Variants in ST14 observed in about 807,000 individuals in gnomAD.
The protein encoded by ST14 is ST14 transmembrane serine protease matriptase.
In ST14, 40 loss-of-function variants were observed where a neutral mutation model predicts 96.5. The observed-to-expected ratio is 0.41, with a 90% CI of 0.32 to 0.54. The LOEUF is 0.54. ST14 is among the 20% of genes least tolerant of loss of function. The pLI is 0.17. For synonymous variants in ST14, 506 were observed against 492.1 expected, an observed-to-expected ratio of 1.03 and a Z score of -0.37; for missense variants, 1,066 against 1,188.9, an observed-to-expected ratio of 0.90 and a Z score of 1.52.
In ST14 at chr11:130,194,595, G is replaced by A. The variant is rs200326575; in HGVS notation, c.1016-45G>A. The A allele has an allele frequency of 5.4e-5, 86 of 1,599,116 alleles. No individual in the cohort carries two copies. In the South Asian group the frequency reaches 6.8e-4, roughly 13 times the overall value. ...AGAGCCCTCGTCCGCCTGCTCGGCC[G>A]GGCAGGTTCCTGATCCTCTTGCTTT... On this transcript the variant is annotated intron_variant, in intron 8 of 18. Coordinates refer to ENST00000278742, the MANE Select transcript of ST14 (RefSeq NM_021978.4).
In ST14 at chr11:130,196,559, C is replaced by A. The variant is rs747576249; in HGVS notation, c.1224-11C>A. The A allele has an allele frequency of 6.2e-7, 1 of 1,609,398 alleles. No individual in the cohort carries two copies. ...TGTCCCTCCTCACCTTGTGCCCCGC[C>A]CCCCCTCCAGATACTGCGGAGAGAG... is the stretch of plus-strand genomic sequence containing the variant. On this transcript the variant is annotated splice_polypyrimidine_tract_variant and intron_variant, in intron 10 of 18. Transcript: ENST00000278742.
At position 130,208,478 on chromosome 11, in the gene ST14, G is replaced by A. The variant is rs772129456; in HGVS notation, c.2063G>A (p.Gly688Glu). ...LHDQSQRSAP[G>E]VQERRLKRII... ...GACCAGAGCCAGCGCAGCGCCCCTG[G>A]GGTGCAGGAGCGCAGGCTCAAGCGC... The change falls in exon 17 of 19, where the codon GGG becomes GAG. Residue 688 changes from glycine to glutamate, a missense_variant. By Grantham distance (98) the Gly-to-Glu change is moderately conservative (BLOSUM62 -2). Coordinates refer to ENST00000278742, the MANE Select transcript of ST14 (RefSeq NM_021978.4). 4.3e-6 allele frequency: 7 copies of A among 1,614,102 alleles called. No homozygotes were observed. Among genetic ancestry groups the A allele is most frequent in the Non-Finnish European group, 5.9e-6 (7 of 1,180,042 alleles).
In ST14 at chr11:130,209,449, C is replaced by G; in HGVS notation, c.2277C>G (p.Gly759=). The G allele has an allele frequency of 3.8e-6, 6 of 1,582,386 alleles. No homozygotes were observed. The highest frequency in any genetic ancestry group is 5.2e-6 in the Non-Finnish European group (6 of 1,164,302). Residue 759 remains glycine (G), a synonymous_variant, in exon 18 of 19, where the codon GGC becomes GGG. Coordinates refer to ENST00000278742, the MANE Select transcript of ST14 (RefSeq NM_021978.4). ...GWGHTQYGGT[G]ALILQKGEIR... ...GTCCTGCCCTCTCCCCAGGCACTGG[C>G]GCGCTGATCCTGCAAAAGGGTGAGA...
rs2136212160 is a variant in ST14 at position 130,188,844 on chromosome 11, A to G, written c.370-25A>G. On this transcript the variant is annotated intron_variant, in intron 3 of 18. Transcript: ENST00000278742. This position sits in a 1 kb window ranked among gnomAD's most constrained non-coding sequence, Gnocchi z 5.4. ...GCAGGGTCATCGCCGCATGGGGCTC[A>G]CCTTGAGTCTCTGCCCTTCCTCAGC... 6.2e-7 allele frequency: 1 copy of G among 1,611,020 alleles called. No individual in the cohort carries two copies. The highest frequency in any genetic ancestry group is 1.1e-5 in the South Asian group (1 of 90,466).
rs571703711 is a variant in ST14 at position 130,187,124 on chromosome 11, G to T, written c.82-990G>T. On this transcript the variant is annotated intron_variant, in intron 1 of 18. Coordinates refer to ENST00000278742, the MANE Select transcript of ST14 (RefSeq NM_021978.4). The surrounding 1 kb of genome is among the most constrained non-coding windows in gnomAD (Gnocchi z 4.5). ...ATGACATCAGGAAACTGTCAAAAGG[G>T]CCAACACCTGTGGGTGTGGGATGGG... Among the ~76,000 whole-genome samples, 1 of 152,290 alleles carries T rather than the reference G, an allele frequency of 6.6e-6. No individual in the cohort carries two copies. The highest frequency in any genetic ancestry group is 2.4e-5 in the African/African-American group (1 of 41,564).
chr11:130,186,101 C>G (rs952941064), intron 1 of ST14, among the ~76,000 whole-genome samples: 2 of 152,202 alleles, frequency 1.3e-5, no homozygotes, highest in Non-Finnish European at 2.9e-5. Flanking sequence ...AGCCACTGCA[C>G]CCAGCTTGAG....
At chr11:130,197,977 C>T (rs751447309) in intron 12 of ST14, 32 bp downstream of exon 12, 2 of 1,539,550 alleles carry the variant, frequency 1.3e-6, no homozygotes, top group African/African-American at 1.4e-5. Flanking sequence ...GGTCTCCCCA[C>T]CCTCCTTCCC....
At chr11:130,209,640 G>A (rs894080421) in intron 18 of ST14, 22 bp from the exon 19 acceptor site, 10 of 1,589,066 alleles carry the variant, frequency 6.3e-6, no homozygotes, top group Middle Eastern at 1.7e-4. Context: ...GGGGACTCAC[G>A]GCAGGGCTTG....
Position 130,196,715 on chromosome 11 carries a change from T to A in ST14, c.1354+15T>A. ...CTCCAGTGACCGTGAGTGAACATTG[T>A]TGGGAGGAGGGCTGGCGGGGGCCTG... On this transcript the variant is annotated intron_variant, in intron 11 of 18. Coordinates refer to ENST00000278742, the MANE Select transcript of ST14 (RefSeq NM_021978.4). 1 of 1,614,212 alleles carries A rather than the reference T, an allele frequency of 6.2e-7. No individual in the cohort carries two copies. Among genetic ancestry groups the A allele is most frequent in the Non-Finnish European group, 8.5e-7 (1 of 1,180,034 alleles).
At chr11:130,199,879 A>G in intron 15 of ST14, 72 bp from the exon 16 acceptor site, 1 of 1,592,960 alleles carries the variant, frequency 6.3e-7, no homozygotes, top group Non-Finnish European at 8.6e-7. Flanking sequence ...CCTGGCACAC[A>G]CTGCATGTCC....
chr11:130,194,342 G>A (rs577087960), intron 8 of ST14, 54 bp downstream of exon 8: 310 of 1,609,440 alleles, frequency 1.9e-4, no homozygotes, highest in South Asian at 5.0e-4. Flanking sequence ...AGAAGGGGAA[G>A]GCCTTAGTGG....
intron 1 of ST14, among the ~76,000 whole-genome samples, chr11:130,167,112 G>A (rs1251483255): frequency 1.3e-5 from 2 of 152,206 alleles, no homozygotes; most frequent in African/African-American, 4.8e-5. Flanking sequence ...TCAGGAGACT[G>A]AGAGAGGAGA....
chr11:130,179,275 G>T (rs1034098747), intron 1 of ST14, among the ~76,000 whole-genome samples: 1 of 152,212 alleles, frequency 6.6e-6, no homozygotes, highest in African/African-American at 2.4e-5. Context: ...ATTTGTTTCA[G>T]TTGATTGTTA....
At chr11:130,197,152 C>T (rs376934749) in intron 11 of ST14, among the ~76,000 whole-genome samples, 3 of 152,170 alleles carry the variant, frequency 2.0e-5, no homozygotes, top group Admixed American at 6.5e-5. Context: ...TTCAACCCTG[C>T]GTCATAGAAT....
Position 130,176,071 on chromosome 11 carries a change from G to A in ST14, c.82-12043G>A, listed in dbSNP as rs569145487. ...ATGCGTTTCTGTGCCTGATAGTGCCGTGGTGTCTGCTGCATTCTCCCACAG... is the reference window on the plus strand; with the variant it reads ...ATGCGTTTCTGTGCCTGATAGTGCCATGGTGTCTGCTGCATTCTCCCACAG... On this transcript the variant is annotated intron_variant, in intron 1 of 18. Coordinates refer to ENST00000278742, the MANE Select transcript of ST14 (RefSeq NM_021978.4). Among the ~76,000 whole-genome samples, 8 of 151,762 alleles carry A rather than the reference G, an allele frequency of 5.3e-5. No homozygotes were observed. The South Asian group carries it at 8.4e-4, about 16-fold the overall frequency.
chr11:130,189,293 T>G lies in ST14; in HGVS notation c.440+354T>G. The G allele has an allele frequency of 6.4e-6, 3 of 467,234 alleles. No homozygotes were observed. The South Asian group carries it at 7.2e-5, about 11-fold the overall frequency. 28.9% of individuals were successfully genotyped at this position (467,234 alleles called of 1,614,324 possible). The stretch of plus-strand genomic sequence containing the variant: ...CCCCACATTTTCTGTGCTTGAGCAG[T>G]TTTTCACGCATACTTTTGTAAAAAA... On this transcript the variant is annotated intron_variant, in intron 4 of 18. Coordinates refer to ENST00000278742, the MANE Select transcript of ST14 (RefSeq NM_021978.4).
chr11:130,190,803 A>C (rs1448770585), intron 7 of ST14, 109 bp downstream of exon 7: 8 of 1,364,736 alleles, frequency 5.9e-6, no homozygotes, highest in Non-Finnish European at 6.8e-6. Context: ...GCCGCAGGCC[A>C]CTGCTAAACA....
At position 130,196,763 on chromosome 11, in the gene ST14, G is replaced by A. The variant is rs551690303; in HGVS notation, c.1354+63G>A. The A allele has an allele frequency of 3.5e-5, 57 of 1,610,412 alleles. 3 individuals carry two copies. In the South Asian group the frequency reaches 6.0e-4, roughly 17 times the overall value. The stretch of plus-strand genomic sequence containing the variant: ...CTGCACCGCATGTTCTGTCTACCCT[G>A]CATCTCGTTAGCATCGTGCTTTGCT... On this transcript the variant is annotated intron_variant, in intron 11 of 18. Transcript: ENST00000278742.
intron 8 of ST14, 127 bp from the exon 9 acceptor site, chr11:130,194,513 G>A: frequency 8.5e-7 from 1 of 1,170,100 alleles, no homozygotes; most frequent in South Asian, 1.3e-5. Flanking sequence ...CTTCCTGGCT[G>A]TGCACCTGCT....
Sources: gnomAD v4.1 joint callset for allele counts (sites outside exome capture counted in the v4.1 genomes callset) on GRCh38, gnomAD v4.1.1 for gene constraint, Gnocchi (gnomAD v3.1) non-coding constraint, MANE v1.5 for transcripts, NCBI Gene and HGNC (gene_info 2026-07-23, HGNC 2026-07-21) for gene names.